The following KAZN variants were observed in gnomAD, a reference collection of about 807,000 sequenced individuals.
KAZN encodes the protein kazrin.
Under a neutral mutation model 87.4 loss-of-function variants are expected in KAZN, and 40 were observed. The ratio of observed to expected loss-of-function variants is 0.46; its 90% CI spans 0.36 to 0.60. The LOEUF is 0.60. Among genes scored for constraint, KAZN ranks in the 20% least tolerant of loss-of-function variants. The probability of loss-of-function intolerance (pLI) is 0.00; values close to 1 mark genes in which losing one functional copy is unlikely to be tolerated. For missense variants in KAZN, 898 were observed against 1,073.9 expected (o/e 0.84, Z 2.29); for synonymous variants, 466 against 458.3 (o/e 1.02, Z -0.22).
At chr1:14,415,093 C>CA (rs1664640995) in intron 2 of KAZN, among the ~76,000 whole-genome samples, 1 of 152,116 alleles carries the variant, frequency 6.6e-6, no homozygotes, top group Admixed American at 6.6e-5. Flanking sequence ...ATTGTATCTA[C>CA]AAAACTTTAA....
intron 1 of KAZN, among the ~76,000 whole-genome samples, chr1:14,885,351 G>A (rs1445959158): frequency 6.6e-6 from 1 of 152,002 alleles, no homozygotes; most frequent in Non-Finnish European, 1.5e-5. Flanking sequence ...CAAGCCTGCT[G>A]AGAACATCCT....
At chr1:14,666,639 G>A (rs1311914484) in intron 1 of KAZN, among the ~76,000 whole-genome samples, 2 of 152,064 alleles carry the variant, frequency 1.3e-5, no homozygotes, top group African/African-American at 2.4e-5. Context: ...TGCCTCTTTC[G>A]GCTTCTGGTG....
rs990793603 is a variant in KAZN, at chr1:15,056,805, AGGCACTC to A, written c.916+530_916+536del. Reference sequence around the variant, plus strand: ...TGTCAATGTCACAGGTGTTTGCTCCAGGCACTCGGCAGGGAAGTCTGGCCTGTGGACA... The same window carrying A: ...TGTCAATGTCACAGGTGTTTGCTCCAGGCAGGGAAGTCTGGCCTGTGGACA... On this transcript the variant is annotated intron_variant, in intron 5 of 14. Coordinates refer to ENST00000376030, the MANE Select transcript of KAZN (RefSeq NM_201628.3). The surrounding 1 kb of genome is among the most constrained non-coding windows in gnomAD (Gnocchi z 5.4). Among the ~76,000 whole-genome samples the A allele has an allele frequency of 2.0e-5, 3 of 152,216 alleles. No homozygotes were observed. The highest frequency in any genetic ancestry group is 4.4e-5 in the Non-Finnish European group (3 of 68,038).
At chr1:14,337,045 C>T (rs961762236) in intron 2 of KAZN, among the ~76,000 whole-genome samples, 22 of 152,198 alleles carry the variant, frequency 1.4e-4, no homozygotes, top group African/African-American at 5.3e-4. Flanking sequence ...GAGGTGAGAA[C>T]AGGTTCCAAG....
At chr1:14,429,115 T>G (rs1295943133) in intron 2 of KAZN, among the ~76,000 whole-genome samples, 1 of 152,112 alleles carries the variant, frequency 6.6e-6, no homozygotes, top group East Asian at 1.9e-4. Flanking sequence ...GGAGGGACCG[T>G]GTCATATAAG....
At chr1:14,911,553 A>G (rs987441420) in intron 1 of KAZN, among the ~76,000 whole-genome samples, 2 of 152,198 alleles carry the variant, frequency 1.3e-5, no homozygotes, top group African/African-American at 4.8e-5. Flanking sequence ...CAATGAGGTC[A>G]TTAGGCGCCG....
chr1:14,145,010 C>T lies in KAZN; in HGVS notation c.92-35425C>T, dbSNP rs149566629. Among the ~76,000 whole-genome samples the T allele has an allele frequency of 1.2e-4, 19 of 152,256 alleles. No individual in the cohort carries two copies. In the East Asian group the frequency reaches 1.9e-3, roughly 15 times the overall value. The stretch of plus-strand genomic sequence containing the variant: ...AGGGAACAAATATCCAAACCATAGA[C>T]GTTACCTTCATGCAATGTCTTTATT... On this transcript the variant is annotated intron_variant, in intron 1 of 16. Coordinates refer to the KAZN transcript ENST00000636203.
At chr1:14,583,332 G>A (rs1286332490) in intron 2 of KAZN, among the ~76,000 whole-genome samples, 1 of 152,168 alleles carries the variant, frequency 6.6e-6, no homozygotes, top group Non-Finnish European at 1.5e-5. Flanking sequence ...GAGTGATCAC[G>A]ATGATTACAA....
chr1:14,250,536 C>G (rs945325340), intron 2 of KAZN, among the ~76,000 whole-genome samples: 2 of 151,430 alleles, frequency 1.3e-5, no homozygotes, highest in Non-Finnish European at 2.9e-5. Flanking sequence ...AAAAAGACAA[C>G]TAACATCACA....
chr1:14,839,076 G>A (rs1001420106), intron 1 of KAZN, among the ~76,000 whole-genome samples: 3 of 152,172 alleles, frequency 2.0e-5, no homozygotes, highest in Admixed American at 6.5e-5. Context: ...AAGACTTTCA[G>A]GCTGCAGAGG....
intron 2 of KAZN, among the ~76,000 whole-genome samples, chr1:14,566,656 C>T (rs540658184): frequency 1.1e-4 from 17 of 152,354 alleles, no homozygotes; most frequent in South Asian, 2.1e-4. Context: ...CCTTCATTAA[C>T]GATCCTAGGC....
At position 14,425,935 on chromosome 1, in the gene KAZN, A is replaced by G. The variant is rs142969082; in HGVS notation, c.250-173048A>G. Among the ~76,000 whole-genome samples, 24 of 152,242 alleles carry G rather than the reference A, an allele frequency of 1.6e-4. No individual in the cohort carries two copies. The East Asian group carries it at 4.5e-3, about 28-fold the overall frequency. ...TCACCATCTCCCCTGCCCATCCCCC[A>G]ACTTTCTAGAACATTCTTTTATCTG... On this transcript the variant is annotated intron_variant, in intron 2 of 16. Coordinates refer to the KAZN transcript ENST00000636203.
intron 3 of KAZN, among the ~76,000 whole-genome samples, chr1:15,042,529 G>A (rs527949236): frequency 6.6e-6 from 1 of 152,280 alleles, no homozygotes; most frequent in Non-Finnish European, 1.5e-5. Context: ...CCAGTCCTGT[G>A]CAGAGCTCTC....
intron 1 of KAZN, among the ~76,000 whole-genome samples, chr1:14,903,729 TA>T (rs1403683985): frequency 2.0e-5 from 3 of 152,238 alleles, no homozygotes; most frequent in African/African-American, 7.2e-5. Context: ...AAATCAATTT[TA>T]AAACATAATA....
intron 1 of KAZN, among the ~76,000 whole-genome samples, chr1:14,664,521 G>T (rs1454513650): frequency 2.0e-5 from 3 of 152,104 alleles, no homozygotes; most frequent in Non-Finnish European, 4.4e-5. Flanking sequence ...ACAATTTAGT[G>T]ATTCCTACCT....
intron 2 of KAZN, among the ~76,000 whole-genome samples, chr1:14,417,017 C>T (rs1337171245): frequency 2.2e-5 from 3 of 136,466 alleles, no homozygotes; most frequent in African/African-American, 3.1e-5. Flanking sequence ...TATGTACACA[C>T]ACACACACAC....
At chr1:15,100,460 A>G (rs1172712818) in intron 10 of KAZN, among the ~76,000 whole-genome samples, 1 of 152,120 alleles carries the variant, frequency 6.6e-6, no homozygotes, top group East Asian at 1.9e-4. Flanking sequence ...CACTTAGACC[A>G]GCGCTCTCCC....
intron 2 of KAZN, among the ~76,000 whole-genome samples, chr1:14,517,866 A>G (rs1465095283): frequency 6.6e-6 from 1 of 152,232 alleles, no homozygotes; most frequent in Non-Finnish European, 1.5e-5. Context: ...TTGCCATAAA[A>G]CAAAGCAGAA....
intron 2 of KAZN, among the ~76,000 whole-genome samples, chr1:14,215,760 A>G (rs1646945011): frequency 6.6e-6 from 1 of 152,178 alleles, no homozygotes; most frequent in South Asian, 2.1e-4. Context: ...ATTTGAACCC[A>G]GGTCTGATAG....
Sources: gnomAD v4.1 joint callset for allele counts (sites outside exome capture counted in the v4.1 genomes callset) on GRCh38, gnomAD v4.1.1 for gene constraint, Gnocchi (gnomAD v3.1) non-coding constraint, MANE v1.5 for transcripts, NCBI Gene and HGNC (gene_info 2026-07-23, HGNC 2026-07-21) for gene names.